Variants in LMBR1 observed in about 807,000 individuals in gnomAD.
The protein encoded by LMBR1 is limb development membrane protein 1.
LMBR1 carries 52 observed loss-of-function variants against 73.9 expected under a neutral mutation model. The observed-to-expected ratio is 0.70, with a 90% CI of 0.56 to 0.89. The LOEUF is 0.89. Among genes scored for constraint, LMBR1 ranks in the 40% least tolerant of loss-of-function variants. The probability of loss-of-function intolerance (pLI) is 0.00; values close to 1 mark genes in which losing one functional copy is unlikely to be tolerated. For synonymous variants in LMBR1, 215 were observed against 209.4 expected, an observed-to-expected ratio of 1.03 and a Z score of -0.23; for missense variants, 539 against 579.8, an observed-to-expected ratio of 0.93 and a Z score of 0.72.
At chr7:156,823,752 T>C (rs1449561607) in intron 4 of LMBR1, 1 of 152,060 alleles carries the variant, frequency 6.6e-6, no homozygotes, top group Non-Finnish European at 1.5e-5. Flanking sequence ...AAACACAATA[T>C]AATATTAAAG....
At chr7:156,791,369 G>A (rs79564846) in intron 5 of LMBR1, among the ~76,000 whole-genome samples, 4 of 152,158 alleles carry the variant, frequency 2.6e-5, no homozygotes, top group Non-Finnish European at 4.4e-5. Context: ...ATGAAAGCTC[G>A]TGGAGACAGA....
rs952616850 is a variant in LMBR1 at position 156,859,150 on chromosome 7, A to C, written c.67-22265T>G. On this transcript the variant is annotated intron_variant, in intron 1 of 16. Transcript: ENST00000353442. Reference sequence around the variant, plus strand: ...TGCCTGTAATCCCAGCTACTCACTAAGGCAGGAGAATTGCTTGAATCCAGG... The same window carrying C: ...TGCCTGTAATCCCAGCTACTCACTACGGCAGGAGAATTGCTTGAATCCAGG... 5.9e-5 allele frequency among the ~76,000 whole-genome samples: 9 copies of C among 151,966 alleles called. 1 individual carries two copies. The highest frequency in any genetic ancestry group is 5.9e-4 in the Admixed American group (9 of 15,238).
chr7:156,813,011 T>C (rs1833361270), intron 4 of LMBR1, among the ~76,000 whole-genome samples: 2 of 152,170 alleles, frequency 1.3e-5, no homozygotes, highest in Non-Finnish European at 1.5e-5. Flanking sequence ...TCATTTCAGG[T>C]GGGAGGGTAT....
chr7:156,718,211 G>C, intron 15 of LMBR1, among the ~76,000 whole-genome samples: 1 of 151,844 alleles, frequency 6.6e-6, no homozygotes, highest in East Asian at 1.9e-4. Flanking sequence ...ACCAGCCTGG[G>C]CAATATGGCA....
intron 8 of LMBR1, among the ~76,000 whole-genome samples, chr7:156,759,064 G>C (rs900031610): frequency 3.3e-5 from 5 of 152,216 alleles, no homozygotes; most frequent in African/African-American, 1.2e-4. Flanking sequence ...TGATATTCTA[G>C]TGTAGCAGAA....
chr7:156,877,752 A>G (rs1045489200), intron 1 of LMBR1, among the ~76,000 whole-genome samples: 26 of 152,010 alleles, frequency 1.7e-4, no homozygotes, highest in Middle Eastern at 3.2e-3. Context: ...GCGCGGTGGC[A>G]GGCGCCTGTA....
intron 1 of LMBR1, among the ~76,000 whole-genome samples, chr7:156,858,762 A>C (rs567112581): frequency 6.6e-6 from 1 of 152,314 alleles, no homozygotes; most frequent in South Asian, 2.1e-4. Context: ...CAACATTCAA[A>C]AATCAATTAA....
chr7:156,706,774 G>T (rs568563635), intron 15 of LMBR1, among the ~76,000 whole-genome samples: 2 of 151,820 alleles, frequency 1.3e-5, no homozygotes, highest in South Asian at 2.1e-4. Flanking sequence ...CTACATGAAA[G>T]ATACTGAAAG....
At chr7:156,879,655 C>G (rs564768071) in intron 1 of LMBR1, among the ~76,000 whole-genome samples, 127 of 122,154 alleles carry the variant, frequency 1.0e-3, no homozygotes, top group African/African-American at 2.9e-3. Context: ...CAGAGCGAGA[C>G]TCTGTCTCAA....
At chr7:156,745,099 G>A (rs1246913581) in intron 9 of LMBR1, among the ~76,000 whole-genome samples, 1 of 152,058 alleles carries the variant, frequency 6.6e-6, no homozygotes, top group East Asian at 1.9e-4. Context: ...CAAGGTCTGG[G>A]GATTAGGACT....
In LMBR1 at chr7:156,680,138, A is replaced by G. The variant is rs1563115053; in HGVS notation, c.*3940T>C. 1 of 147,292 alleles carries G rather than the reference A, an allele frequency of 6.8e-6. No homozygotes were observed. Among genetic ancestry groups the G allele is most frequent in the African/African-American group, 2.6e-5 (1 of 38,466 alleles). The allele number at this position is 147,292 out of a possible 1,614,324, so 9.1% of individuals were successfully genotyped here. A position where few individuals can be genotyped will look rare whatever the true frequency, so the allele number is the denominator to read the frequency against. On this transcript the variant is annotated 3_prime_UTR_variant, in exon 17 of 17. Transcript: ENST00000353442. ...CAGCAATAATTTTTACCTAAACAATATTCAAAAACCAAAAAAAAAAAAAAC... is the reference window on the plus strand; with the variant it reads ...CAGCAATAATTTTTACCTAAACAATGTTCAAAAACCAAAAAAAAAAAAAAC...
intron 15 of LMBR1, among the ~76,000 whole-genome samples, chr7:156,691,678 G>A (rs958876125): frequency 6.6e-6 from 1 of 151,982 alleles, no homozygotes; most frequent in Non-Finnish European, 1.5e-5. Flanking sequence ...TACACAAATG[G>A]CTGACATAAA....
At chr7:156,830,402 A>G (rs1307932102) in intron 3 of LMBR1, among the ~76,000 whole-genome samples, 1 of 152,236 alleles carries the variant, frequency 6.6e-6, no homozygotes, top group East Asian at 1.9e-4. Flanking sequence ...CTTAAAGTTT[A>G]ACAGGTTGAT....
At chr7:156,874,357 G>A (rs11760703) in intron 1 of LMBR1, among the ~76,000 whole-genome samples, 40,256 of 152,080 alleles carry the variant, frequency 0.26, 5,645 homozygotes, top group East Asian at 0.42. Context: ...AGCGCCACAC[G>A]CAGCCCCGGC....
chr7:156,758,685 A>T (rs1314840881), intron 8 of LMBR1, among the ~76,000 whole-genome samples: 1 of 152,184 alleles, frequency 6.6e-6, no homozygotes, highest in Non-Finnish European at 1.5e-5. Context: ...CCATGACTGG[A>T]AACTTCCTGA....
rs182812545 is a variant in LMBR1 at position 156,882,979 on chromosome 7, C to T, written c.66+9949G>A. 3.9e-5 allele frequency among the ~76,000 whole-genome samples: 6 copies of T among 151,988 alleles called. No individual in the cohort carries two copies. In the South Asian group the frequency reaches 6.2e-4, roughly 16 times the overall value. ...CCGGGAGGTGGAGGTTGCAGTGAGCCGAGATCACGCTATTGCACTCTAGCC... is the reference window on the plus strand; with the variant it reads ...CCGGGAGGTGGAGGTTGCAGTGAGCTGAGATCACGCTATTGCACTCTAGCC... On this transcript the variant is annotated intron_variant, in intron 1 of 16. Transcript: ENST00000353442.
At chr7:156,787,056 C>T (rs1365389196) in intron 5 of LMBR1, among the ~76,000 whole-genome samples, 2 of 152,108 alleles carry the variant, frequency 1.3e-5, no homozygotes. Flanking sequence ...GATGAGCTCG[C>T]AGGGGAGACT....
chr7:156,868,870 TG>T (rs1371573956), intron 1 of LMBR1, among the ~76,000 whole-genome samples: 1 of 151,912 alleles, frequency 6.6e-6, no homozygotes, highest in Non-Finnish European at 1.5e-5. Flanking sequence ...AGAGGCGAGG[TG>T]GGAAGATCAC....
chr7:156,728,249 G>T (rs1318995373), intron 11 of LMBR1, among the ~76,000 whole-genome samples: 2 of 152,172 alleles, frequency 1.3e-5, no homozygotes, highest in Non-Finnish European at 2.9e-5. Context: ...CTTTTACTAA[G>T]TGATCTCACC....
Sources: allele counts gnomAD v4.1 joint callset (sites outside exome capture counted in the v4.1 genomes callset), GRCh38; gene constraint gnomAD v4.1.1; transcripts MANE v1.5; gene names NCBI Gene and HGNC (gene_info 2026-07-23, HGNC 2026-07-21).